Variants in NELL1 observed in about 807,000 individuals in gnomAD.
NELL1 encodes the protein protein kinase C-binding protein NELL1.
NELL1 carries 76 observed loss-of-function variants against 107.4 expected under a neutral mutation model. That is an observed-to-expected ratio of 0.71 (90% CI 0.59 to 0.86). NELL1 has a LOEUF of 0.86. Ranked by LOEUF, NELL1 falls within the 40% of genes least tolerant of loss-of-function variation. The pLI is 0.00. For synonymous variants in NELL1, 353 were observed against 341.2 expected, an observed-to-expected ratio of 1.03 and a Z score of -0.38; for missense variants, 1,024 against 1,005.5, an observed-to-expected ratio of 1.02 and a Z score of -0.25.
In NELL1 at chr11:20,705,632, A is replaced by T. The variant is rs1221053655; in HGVS notation, c.184+27572A>T. Among the ~76,000 whole-genome samples, 5 of 142,566 alleles carry T rather than the reference A, an allele frequency of 3.5e-5. 1 individual carries two copies. Among genetic ancestry groups the T allele is most frequent in the Non-Finnish European group, 7.7e-5 (5 of 64,552 alleles). 93.5% of individuals were successfully genotyped at this position (142,566 alleles called of 152,430 possible). On this transcript the variant is annotated intron_variant, in intron 2 of 19. Coordinates refer to ENST00000357134, the MANE Select transcript of NELL1 (RefSeq NM_006157.5). ...AAGGACTTCCTGTCTAAAACACCAAAAGCAATGGCAACAAAAGCCAAAATT... is the reference window on the plus strand; with the variant it reads ...AAGGACTTCCTGTCTAAAACACCAATAGCAATGGCAACAAAAGCCAAAATT...
intron 12 of NELL1, among the ~76,000 whole-genome samples, chr11:21,017,790 A>G (rs1481616421): frequency 1.3e-5 from 2 of 152,020 alleles, no homozygotes; most frequent in Non-Finnish European, 2.9e-5. Flanking sequence ...AAACTTGATC[A>G]TGTCTGTCTT....
chr11:20,919,479 G>A (rs1010601253), intron 7 of NELL1, 145 bp downstream of exon 7: 19 of 550,572 alleles, frequency 3.5e-5, no homozygotes, highest in Non-Finnish European at 4.6e-5. Flanking sequence ...ACTCAAAATA[G>A]GACTACCAAT....
chr11:20,738,298 G>C (rs1337807126), intron 2 of NELL1, among the ~76,000 whole-genome samples: 2 of 152,126 alleles, frequency 1.3e-5, no homozygotes, highest in African/African-American at 4.8e-5. Context: ...GCTTTACAGA[G>C]AGCCTGGCAC....
rs559374461 is a variant in NELL1 at position 21,102,044 on chromosome 11, G to T, written c.1301-11545G>T. On this transcript the variant is annotated intron_variant, in intron 12 of 19. Transcript: ENST00000357134. ...ATTTTTGTGTTTTTAGTAGAAACGG[G>T]GTTTCACCATGTTGTCCAGGCTAGT... Among the ~76,000 whole-genome samples, 5 of 152,180 alleles carry T rather than the reference G, an allele frequency of 3.3e-5. No individual in the cohort carries two copies. In the South Asian group the frequency reaches 1.0e-3, roughly 32 times the overall value.
At chr11:20,755,540 G>GTTT (rs1463795241) in intron 2 of NELL1, among the ~76,000 whole-genome samples, 5 of 19,150 alleles carry the variant, frequency 2.6e-4, no homozygotes, top group African/African-American at 4.9e-4. Context: ...GTGGGTTTTT[G>GTTT]TTTTTTTTTG....
chr11:21,111,379 A>G (rs960935280), intron 12 of NELL1, among the ~76,000 whole-genome samples: 3 of 152,080 alleles, frequency 2.0e-5, no homozygotes, highest in Non-Finnish European at 4.4e-5. Flanking sequence ...TAGTTTCCCT[A>G]CCTTCATTCT....
chr11:20,874,023 C>A (rs1485322410), intron 4 of NELL1, among the ~76,000 whole-genome samples: 1 of 152,140 alleles, frequency 6.6e-6, no homozygotes, highest in African/African-American at 2.4e-5. Flanking sequence ...CCTTGGCCTC[C>A]CAAAGTGCTG....
intron 13 of NELL1, among the ~76,000 whole-genome samples, chr11:21,217,895 C>T (rs1857657077): frequency 6.6e-6 from 1 of 152,142 alleles, no homozygotes; most frequent in South Asian, 2.1e-4. Flanking sequence ...CTACTGACGC[C>T]AGAGTCACTG....
rs568764735 is a variant in NELL1 at position 20,985,879 on chromosome 11, T to C, written c.1300+25319T>C. Among the ~76,000 whole-genome samples the C allele has an allele frequency of 1.3e-4, 20 of 152,310 alleles. 1 individual carries two copies. In the South Asian group the frequency reaches 4.1e-3, roughly 32 times the overall value. On this transcript the variant is annotated intron_variant, in intron 12 of 19. Coordinates refer to ENST00000357134, the MANE Select transcript of NELL1 (RefSeq NM_006157.5). Reference sequence around the variant, plus strand: ...TCACATTATCCATGCACAAAAATTATGACATTTCCTGGGAAGAAGGAGTCT... The same window carrying C: ...TCACATTATCCATGCACAAAAATTACGACATTTCCTGGGAAGAAGGAGTCT...
intron 15 of NELL1, among the ~76,000 whole-genome samples, chr11:21,435,495 T>G (rs911043338): frequency 8.5e-5 from 11 of 129,204 alleles, no homozygotes; most frequent in African/African-American, 3.1e-4. Flanking sequence ...TTTTGTTTTT[T>G]GTTTTTTGTT....
At chr11:21,514,414 G>T (rs1855508371) in intron 15 of NELL1, among the ~76,000 whole-genome samples, 1 of 152,158 alleles carries the variant, frequency 6.6e-6, no homozygotes, top group Non-Finnish European at 1.5e-5. Context: ...GAGGGCAGAT[G>T]TCACAGATTC....
At chr11:21,336,969 C>G (rs796456509) in intron 14 of NELL1, among the ~76,000 whole-genome samples, 14 of 152,040 alleles carry the variant, frequency 9.2e-5, no homozygotes, top group African/African-American at 3.4e-4. Flanking sequence ...GAAATCTCAG[C>G]AAATATTATG....
intron 16 of NELL1, among the ~76,000 whole-genome samples, chr11:21,556,313 C>A (rs971073373): frequency 6.6e-6 from 1 of 151,936 alleles, no homozygotes; most frequent in African/African-American, 2.4e-5. Flanking sequence ...ACTAGATGTG[C>A]TGTCAAAGTT....
At chr11:21,245,673 G>C (rs1316400103) in intron 14 of NELL1, among the ~76,000 whole-genome samples, 1 of 152,068 alleles carries the variant, frequency 6.6e-6, no homozygotes, top group Non-Finnish European at 1.5e-5. Context: ...TGTCATCTTT[G>C]TGTCCCAAAG....
intron 13 of NELL1, among the ~76,000 whole-genome samples, chr11:21,196,092 G>A (rs1857145839): frequency 6.6e-6 from 1 of 152,142 alleles, no homozygotes; most frequent in African/African-American, 2.4e-5. Flanking sequence ...CCTGCAAGTT[G>A]TACACTCTGA....
intron 2 of NELL1, among the ~76,000 whole-genome samples, chr11:20,733,136 C>T (rs572166096): frequency 1.1e-4 from 17 of 152,234 alleles, no homozygotes; most frequent in Middle Eastern, 3.4e-3. Context: ...GTTAGCTCCC[C>T]GCTTCCTCTT....
intron 12 of NELL1, among the ~76,000 whole-genome samples, chr11:21,019,635 A>G (rs1426741762): frequency 6.6e-6 from 1 of 152,050 alleles, no homozygotes; most frequent in Non-Finnish European, 1.5e-5. Flanking sequence ...GAGGCCACCA[A>G]TGCTGCTGAA....
At chr11:20,974,001 T>G (rs1851554035) in intron 12 of NELL1, among the ~76,000 whole-genome samples, 1 of 152,210 alleles carries the variant, frequency 6.6e-6, no homozygotes, top group Non-Finnish European at 1.5e-5. Flanking sequence ...TGTGTTGCAT[T>G]TGACTGAAAA....
At chr11:21,559,089 C>T (rs1034569908) in intron 16 of NELL1, among the ~76,000 whole-genome samples, 1 of 151,898 alleles carries the variant, frequency 6.6e-6, no homozygotes, top group Non-Finnish European at 1.5e-5. Context: ...TAAGACAAAG[C>T]CAAAAATTAG....
Sources: gnomAD v4.1 joint callset for allele counts (sites outside exome capture counted in the v4.1 genomes callset) on GRCh38, gnomAD v4.1.1 for gene constraint, MANE v1.5 for transcripts, NCBI Gene and HGNC (gene_info 2026-07-23, HGNC 2026-07-21) for gene names.